Variants in CEP57 observed in about 807,000 individuals in gnomAD.
CEP57 encodes centrosomal protein of 57 kDa.
A neutral mutation model predicts 68.0 loss-of-function variants in CEP57; 40 were observed. The observed-to-expected ratio is 0.59, with a 90% CI of 0.46 to 0.77. The LOEUF is 0.77. Among genes scored for constraint, CEP57 ranks in the 30% least tolerant of loss-of-function variants. The probability of loss-of-function intolerance (pLI) is 0.00; values close to 1 mark genes in which losing one functional copy is unlikely to be tolerated. For missense variants in CEP57, 606 were observed against 580.7 expected, an observed-to-expected ratio of 1.04 and a Z score of -0.45; for synonymous variants, 219 against 198.7, an observed-to-expected ratio of 1.10 and a Z score of -0.86.
rs1329259417 is a variant in CEP57 at position 95,809,347 on chromosome 11, AAGATC to A, written c.203-3581_203-3577del. Among the ~76,000 whole-genome samples, 6 of 152,252 alleles carry A rather than the reference AAGATC, an allele frequency of 3.9e-5. No homozygotes were observed. In the East Asian group the frequency reaches 1.2e-3, roughly 29 times the overall value. On this transcript the variant is annotated intron_variant, in intron 2 of 10. Transcript: ENST00000325542. ...AGCTAGCAGAAGGCAAGAAATAACT[AAGATC>A]AGAGCAGAACTGAAGGAGATAGAGA... is the stretch of plus-strand genomic sequence containing the variant.
chr11:95,808,118 A>G (rs1406235383), intron 2 of CEP57, among the ~76,000 whole-genome samples: 1 of 152,192 alleles, frequency 6.6e-6, no homozygotes, highest in Non-Finnish European at 1.5e-5. Context: ...AGCCAAACTA[A>G]GCTTTGTAAG....
At chr11:95,822,657 A>C in intron 8 of CEP57, 81 bp downstream of exon 8, 3 of 835,126 alleles carry the variant, frequency 3.6e-6, no homozygotes, top group Non-Finnish European at 5.8e-6. Flanking sequence ...TATGTCTACA[A>C]ATGGAAGGAA....
chr11:95,793,524 T>C (rs1861197809), intron 1 of CEP57, among the ~76,000 whole-genome samples: 1 of 145,798 alleles, frequency 6.9e-6, no homozygotes, highest in Admixed American at 6.8e-5. Flanking sequence ...TTTTTGAGAA[T>C]AATAAAATGA....
At chr11:95,825,603 T>TC (rs1250283457) in intron 8 of CEP57, 1 of 150,146 alleles carries the variant, frequency 6.7e-6, no homozygotes, top group East Asian at 1.9e-4. Flanking sequence ...CTTTTTTTTT[T>TC]TTTTTTTTTT....
At chr11:95,829,115 T>C (rs966698906) in intron 9 of CEP57, 72 bp from the exon 10 acceptor site, 1 of 1,485,616 alleles carries the variant, frequency 6.7e-7, no homozygotes, top group Non-Finnish European at 9.4e-7. Context: ...CAGTAACCCA[T>C]AATGAGGTAT....
At chr11:95,817,390 T>C (rs1191364340) in intron 4 of CEP57, among the ~76,000 whole-genome samples, 2 of 151,862 alleles carry the variant, frequency 1.3e-5, no homozygotes, top group African/African-American at 4.8e-5. Context: ...TATAAAAGGA[T>C]ATTATACATA....
chr11:95,827,611 T>C (rs1022867553), intron 8 of CEP57, 175 bp from the exon 9 acceptor site: 1 of 709,646 alleles, frequency 1.4e-6, no homozygotes, highest in Non-Finnish European at 2.3e-6. Flanking sequence ...GAAACATAGT[T>C]AGTGGATTTA....
chr11:95,801,490 G>T (rs1429988697), intron 2 of CEP57, among the ~76,000 whole-genome samples: 1 of 141,504 alleles, frequency 7.1e-6, no homozygotes, highest in Non-Finnish European at 1.5e-5. Context: ...CCACAGTAGA[G>T]CAAAAATCAG....
intron 1 of CEP57, among the ~76,000 whole-genome samples, chr11:95,791,308 A>G (rs996108520): frequency 2.6e-5 from 4 of 152,144 alleles, no homozygotes; most frequent in African/African-American, 7.2e-5. Context: ...TGGAACTTCA[A>G]TGTGGAAATG....
At chr11:95,813,774 G>A (rs976047008) in intron 4 of CEP57, among the ~76,000 whole-genome samples, 185 bp downstream of exon 4, 1 of 152,072 alleles carries the variant, frequency 6.6e-6, no homozygotes, top group African/African-American at 2.4e-5. Flanking sequence ...GTTGTGTTTC[G>A]TAGAGTTTTA....
chr11:95,818,752 C>T, intron 5 of CEP57, 75 bp from the exon 6 acceptor site: 3 of 1,101,092 alleles, frequency 2.7e-6, no homozygotes, highest in South Asian at 2.5e-5. Context: ...TTACATGTTC[C>T]AGTGCTGCTA....
In CEP57 at chr11:95,823,549, CAA is replaced by C. The variant is rs146428671; in HGVS notation, c.885+974_885+975del. 3.2e-3 allele frequency among the ~76,000 whole-genome samples: 478 copies of C among 150,634 alleles called. 4 individuals are homozygous for C. The highest frequency in any genetic ancestry group is 0.011 in the African/African-American group (454 of 40,972). The stretch of plus-strand genomic sequence containing the variant: ...ATCATTTACTACCATAAAATATACA[CAA>C]GTTTTTTTTAATTATAATTTATCAA... On this transcript the variant is annotated intron_variant, in intron 8 of 10. Transcript: ENST00000325542.
chr11:95,807,539 T>C lies in CEP57; in HGVS notation c.203-5393T>C, dbSNP rs575597391. ...AAGACCTTAAATGACCTGATGGAGC[T>C]GAAAACCATGCCATGAGAACTACAT... On this transcript the variant is annotated intron_variant, in intron 2 of 10. Coordinates refer to ENST00000325542, the MANE Select transcript of CEP57 (RefSeq NM_014679.5). Among the ~76,000 whole-genome samples, 86 of 152,226 alleles carry C rather than the reference T, an allele frequency of 5.6e-4. 2 individuals are homozygous for C. In the South Asian group the frequency reaches 0.017, roughly 30 times the overall value.
At chr11:95,808,436 A>G (rs547483341) in intron 2 of CEP57, among the ~76,000 whole-genome samples, 2 of 152,346 alleles carry the variant, frequency 1.3e-5, no homozygotes, top group South Asian at 2.1e-4. Context: ...TTGGATACCA[A>G]GAGTCAAGAC....
intron 2 of CEP57, among the ~76,000 whole-genome samples, chr11:95,812,402 A>T (rs1862105572): frequency 6.6e-6 from 1 of 152,034 alleles, no homozygotes; most frequent in African/African-American, 2.4e-5. Context: ...AGCACATTTC[A>T]AACACTCAAT....
rs745558538 is a variant in CEP57 at position 95,813,008 on chromosome 11, T to C, written c.279T>C (p.Ser93=). The change falls in exon 3 of 11, where the codon AGT becomes AGC. Residue 93 remains serine, a synonymous_variant. Transcript: ENST00000325542. ...TTGAGAGGATTCAGGCAGAAGAAAG[T>C]GTGAAAACCTTGTCTAGAGAAACAA... ...LELERIQAEE[S]VKTLSRETIE... is the part of the protein sequence containing the mutation. The C allele has an allele frequency of 1.2e-6, 2 of 1,613,968 alleles. No homozygotes were observed. The highest frequency in any genetic ancestry group is 1.7e-6 in the Non-Finnish European group (2 of 1,179,968).
chr11:95,826,875 T>C (rs2135370040), intron 8 of CEP57: 1 of 152,348 alleles, frequency 6.6e-6, no homozygotes, highest in Admixed American at 6.5e-5. Flanking sequence ...GGATGTGATA[T>C]ATAATACTGC....
In CEP57 at chr11:95,809,880, T is replaced by C. The variant is rs543300584; in HGVS notation, c.203-3052T>C. On this transcript the variant is annotated intron_variant, in intron 2 of 10. Coordinates refer to ENST00000325542, the MANE Select transcript of CEP57 (RefSeq NM_014679.5). Reference sequence around the variant, plus strand: ...CCAGCATCATCCTGATACCAAAGCCTGGCAGAGACACAACAGAAAAAGAGA... The same window carrying C: ...CCAGCATCATCCTGATACCAAAGCCCGGCAGAGACACAACAGAAAAAGAGA... 1.8e-3 allele frequency among the ~76,000 whole-genome samples: 274 copies of C among 152,302 alleles called. 1 individual carries two copies. The highest frequency in any genetic ancestry group is 3.4e-3 in the Middle Eastern group (1 of 294).
At chr11:95,809,577 C>T (rs182224419) in intron 2 of CEP57, among the ~76,000 whole-genome samples, 1,825 of 152,202 alleles carry the variant, frequency 0.012, 42 homozygotes, top group Admixed American at 0.052. Context: ...AACATCTCTA[C>T]GCAAATAAAC....
Sources: gnomAD v4.1 joint callset for allele counts (sites outside exome capture counted in the v4.1 genomes callset) on GRCh38, gnomAD v4.1.1 for gene constraint, MANE v1.5 for transcripts, NCBI Gene and HGNC (gene_info 2026-07-23, HGNC 2026-07-21) for gene names.